The following ZNF536 variants were observed in gnomAD, a reference collection of about 807,000 sequenced individuals.
ZNF536 encodes zinc finger protein 536.
Under a neutral mutation model 84.5 loss-of-function variants are expected in ZNF536, and 13 were observed. The ratio of observed to expected loss-of-function variants is 0.15; its 90% CI spans 0.10 to 0.24. The LOEUF (loss-of-function observed/expected upper bound fraction) is 0.24. Ranked by LOEUF, ZNF536 falls within the 10% of genes least tolerant of loss-of-function variation. The pLI, the probability that ZNF536 is intolerant of heterozygous loss-of-function variation, is 1.00. For synonymous variants in ZNF536, 811 were observed against 742.5 expected, an observed-to-expected ratio of 1.09 and a Z score of -1.50; for missense variants, 1,536 against 1,747.5, an observed-to-expected ratio of 0.88 and a Z score of 2.16.
chr19:30,539,353 A>G (rs1224580640), intron 3 of ZNF536, among the ~76,000 whole-genome samples: 1 of 152,144 alleles, frequency 6.6e-6, no homozygotes, highest in Non-Finnish European at 1.5e-5. Context: ...TGTTCTATTC[A>G]TGCCTTCAAC....
At position 30,548,173 on chromosome 19, in the gene ZNF536, G is replaced by C. The variant is rs756176001; in HGVS notation, c.2554G>C (p.Gly852Arg). ...GGGTCTCCCTGGAATCGACTTCAGA[G>C]GAGGCCCTGCATCTCAGCAGTGGAC... ...FKGLPGIDFR[G>R]GPASQQWTSG... Residue 852 changes from glycine to arginine, a missense_variant, in exon 4 of 5, where the codon GGA (glycine) becomes CGA (arginine). Gly to Arg is a moderately radical substitution (Grantham distance 125). Around this residue, in one of 8 missense-constraint regions of ZNF536, gnomAD observed 624 missense variants for 603.1 expected, o/e 1.03. Transcript: ENST00000355537. 1 of 1,614,170 alleles carries C rather than the reference G, an allele frequency of 6.2e-7. No homozygotes were observed. The highest frequency in any genetic ancestry group is 8.5e-7 in the Non-Finnish European group (1 of 1,180,034).
At chr19:30,229,824 C>G (rs1219165345) in intron 1 of ZNF536, among the ~76,000 whole-genome samples, 5 of 152,208 alleles carry the variant, frequency 3.3e-5, no homozygotes, top group Admixed American at 2.0e-4. Context: ...CTTTTCCCCC[C>G]ACTGAGGAGA....
At chr19:30,576,761 G>A (rs2046752581) in intron 1 of ZNF536, among the ~76,000 whole-genome samples, 1 of 152,160 alleles carries the variant, frequency 6.6e-6, no homozygotes, top group African/African-American at 2.4e-5. Flanking sequence ...GTCCACGTGG[G>A]GACTGGAGGC....
chr19:30,367,902 G>A (rs144466547), upstream of ZNF536, among the ~76,000 whole-genome samples: 401 of 152,224 alleles, frequency 2.6e-3, 1 homozygote, highest in African/African-American at 6.2e-3. Context: ...ACCTTCCCAT[G>A]TCGGTTTTGC....
At chr19:30,406,457 G>T (rs2050265289) in intron 1 of ZNF536, among the ~76,000 whole-genome samples, 1 of 152,172 alleles carries the variant, frequency 6.6e-6, no homozygotes, top group African/African-American at 2.4e-5. Flanking sequence ...CAGGGATTTT[G>T]GCCAGGAGAC....
intron 2 of ZNF536, among the ~76,000 whole-genome samples, chr19:30,497,740 G>A (rs1287117206): frequency 6.6e-6 from 1 of 152,010 alleles, no homozygotes; most frequent in African/African-American, 2.4e-5. Flanking sequence ...GTGTGTGAAA[G>A]ACTGTGTGAG....
intron 1 of ZNF536, among the ~76,000 whole-genome samples, chr19:30,389,785 T>C (rs369708424): frequency 6.6e-6 from 1 of 152,194 alleles, no homozygotes; most frequent in Non-Finnish European, 1.5e-5. Context: ...CCCAAGCAGA[T>C]AGCAGAGAGC....
chr19:30,647,542 G>T (rs1251850208), intron 1 of ZNF536, among the ~76,000 whole-genome samples: 1 of 152,206 alleles, frequency 6.6e-6, no homozygotes, highest in Admixed American at 6.5e-5. Context: ...CCTGGGAAAT[G>T]CTTGTCTGTT....
At chr19:30,546,528 G>T (rs574863969) in intron 3 of ZNF536, among the ~76,000 whole-genome samples, 12 of 152,174 alleles carry the variant, frequency 7.9e-5, no homozygotes, top group Non-Finnish European at 1.6e-4. Flanking sequence ...TCAGAACCAG[G>T]CTGGTGGCCC....
intron 1 of ZNF536, among the ~76,000 whole-genome samples, chr19:30,248,933 T>C (rs2024450192): frequency 1.3e-5 from 2 of 152,198 alleles, no homozygotes; most frequent in Admixed American, 1.3e-4. Context: ...AGATTTCATA[T>C]CAGATACAAG....
chr19:30,330,667 C>T (rs2047182598), intron 2 of ZNF536, among the ~76,000 whole-genome samples: 1 of 152,198 alleles, frequency 6.6e-6, no homozygotes, highest in African/African-American at 2.4e-5. Context: ...GGTCTGGCTT[C>T]ACTGACCCTC....
At chr19:30,410,080 A>G (rs1021933154) in intron 1 of ZNF536, among the ~76,000 whole-genome samples, 2 of 152,120 alleles carry the variant, frequency 1.3e-5, no homozygotes, top group African/African-American at 4.8e-5. Flanking sequence ...TAGTTCGTAC[A>G]TGGTGTTTTC....
intron 2 of ZNF536, among the ~76,000 whole-genome samples, chr19:30,449,958 C>T (rs969109874): frequency 6.6e-6 from 1 of 152,058 alleles, no homozygotes; most frequent in African/African-American, 2.4e-5. Flanking sequence ...GCTCCCCCTC[C>T]CTGCCCCCGT....
chr19:30,564,477 C>T (rs2046281665), intron 1 of ZNF536, among the ~76,000 whole-genome samples: 1 of 152,016 alleles, frequency 6.6e-6, no homozygotes, highest in Admixed American at 6.5e-5. Flanking sequence ...TTTTCCGAAG[C>T]CTCCTGGGGC....
intron 1 of ZNF536, among the ~76,000 whole-genome samples, chr19:30,661,965 G>A (rs1015984477): frequency 4.6e-5 from 7 of 152,014 alleles, no homozygotes; most frequent in African/African-American, 1.7e-4. Flanking sequence ...TGTGCTTTTC[G>A]TTATTTTCCA....
intron 1 of ZNF536, among the ~76,000 whole-genome samples, chr19:30,607,262 T>C (rs8109483): frequency 0.36 from 55,248 of 152,052 alleles, 10,251 homozygotes; most frequent in Middle Eastern, 0.46. Flanking sequence ...AAAATTCATG[T>C]GAAACTTTTT....
intron 1 of ZNF536, among the ~76,000 whole-genome samples, chr19:30,642,871 TG>T (rs1387787547): frequency 1.3e-5 from 2 of 152,020 alleles, no homozygotes; most frequent in South Asian, 2.1e-4. Flanking sequence ...AGAGGCTGTG[TG>T]GGGGGTGAGA....
At chr19:30,286,152 T>C (rs1274746848) in intron 2 of ZNF536, among the ~76,000 whole-genome samples, 1 of 152,232 alleles carries the variant, frequency 6.6e-6, no homozygotes, top group African/African-American at 2.4e-5. Flanking sequence ...AATCCCATTA[T>C]AATCACGCTC....
At chr19:30,554,242 G>A (rs2045886255) in intron 4 of ZNF536, 1 of 145,926 alleles carries the variant, frequency 6.9e-6, no homozygotes, top group African/African-American at 2.5e-5. Flanking sequence ...GGCAGTCGGA[G>A]AATACCTACT....
Sources: allele counts gnomAD v4.1 joint callset (sites outside exome capture counted in the v4.1 genomes callset), GRCh38; gene constraint gnomAD v4.1.1; regional missense constraint gnomAD v4.1.1; transcripts MANE v1.5; gene names NCBI Gene and HGNC (gene_info 2026-07-23, HGNC 2026-07-21).